CENPW: variants seen among roughly 807,000 people sequenced by gnomAD.
CENPW encodes the protein centromere protein W.
In CENPW, 3 loss-of-function variants were observed where a neutral mutation model predicts 11.1. That is an observed-to-expected ratio of 0.27 (90% CI 0.12 to 0.70). The LOEUF is 0.70. Ranked by LOEUF, CENPW falls within the 30% of genes least tolerant of loss-of-function variation. The pLI, the probability that CENPW is intolerant of heterozygous loss-of-function variation, is 0.77. For synonymous variants in CENPW, 38 were observed against 42.0 expected, an observed-to-expected ratio of 0.91 and a Z score of 0.37; for missense variants, 100 against 105.6, an observed-to-expected ratio of 0.95 and a Z score of 0.23.
the CENPW span, among the ~76,000 whole-genome samples, chr6:126,425,450 A>T: frequency 6.6e-6 from 1 of 152,146 alleles, no homozygotes; most frequent in East Asian, 1.9e-4. Context: ...TGACATAAAA[A>T]TCCTGTCTGA....
the CENPW span, among the ~76,000 whole-genome samples, chr6:126,428,558 C>A: frequency 6.6e-6 from 1 of 152,012 alleles, no homozygotes; most frequent in Non-Finnish European, 1.5e-5. Context: ...TGGGTTTAGG[C>A]GCAACACATT....
the CENPW span, among the ~76,000 whole-genome samples, chr6:126,371,435 A>G: frequency 1.3e-5 from 2 of 152,232 alleles, no homozygotes; most frequent in African/African-American, 4.8e-5. Context: ...CCTGATATGA[A>G]ACCCAGTTGA....
At chr6:126,371,088 C>T in the CENPW span, among the ~76,000 whole-genome samples, 1 of 152,134 alleles carries the variant, frequency 6.6e-6, no homozygotes, top group Admixed American at 6.5e-5. Flanking sequence ...ATTTCTTCCT[C>T]TTGTCTGATT....
chr6:126,340,570 A>G (rs1780284002), intron 1 of CENPW, 171 bp downstream of exon 1: 6 of 889,198 alleles, frequency 6.7e-6, no homozygotes, highest in Non-Finnish European at 1.0e-5. Context: ...ATGTCAGTTC[A>G]TATTCCTGGC....
At chr6:126,474,389 T>C in the CENPW span, among the ~76,000 whole-genome samples, 1 of 152,076 alleles carries the variant, frequency 6.6e-6, no homozygotes, top group Non-Finnish European at 1.5e-5. Context: ...GGGTCAGAAA[T>C]TTAGAGAGGG....
At chr6:126,443,661 A>C in the CENPW span, among the ~76,000 whole-genome samples, 1 of 151,188 alleles carries the variant, frequency 6.6e-6, no homozygotes. Flanking sequence ...ACTTCTTAAT[A>C]ATTGTGCTAT....
At chr6:126,435,462 A>G in the CENPW span, among the ~76,000 whole-genome samples, 1 of 151,826 alleles carries the variant, frequency 6.6e-6, no homozygotes, top group Non-Finnish European at 1.5e-5. Context: ...CTGGTGGTCT[A>G]CTAGACTTCA....
chr6:126,433,189 A>AT, the CENPW span, among the ~76,000 whole-genome samples: 1 of 152,132 alleles, frequency 6.6e-6, no homozygotes, highest in Non-Finnish European at 1.5e-5. Context: ...AGTTTTTCAT[A>AT]TTTTTTCTAT....
At chr6:126,365,251 A>G in the CENPW span, among the ~76,000 whole-genome samples, 2 of 152,336 alleles carry the variant, frequency 1.3e-5, no homozygotes, top group Admixed American at 6.5e-5. Context: ...AGGAATTTAC[A>G]TGAGTTGCAA....
the CENPW span, among the ~76,000 whole-genome samples, chr6:126,364,366 C>T: frequency 6.6e-6 from 1 of 152,212 alleles, no homozygotes; most frequent in African/African-American, 2.4e-5. Flanking sequence ...TCTTAAAGGC[C>T]TAGTATAGAG....
chr6:126,359,433 A>C, the CENPW span, among the ~76,000 whole-genome samples: 33 of 152,174 alleles, frequency 2.2e-4, no homozygotes, highest in African/African-American at 7.5e-4. Context: ...GATGTCTGTT[A>C]GGTCAAATCA....
chr6:126,385,210 G>C, the CENPW span, among the ~76,000 whole-genome samples: 1 of 152,074 alleles, frequency 6.6e-6, no homozygotes. Flanking sequence ...GTTCCTCAAA[G>C]AGCTAAAAAC....
the CENPW span, among the ~76,000 whole-genome samples, chr6:126,387,105 T>A: frequency 6.6e-6 from 1 of 151,968 alleles, no homozygotes; most frequent in Non-Finnish European, 1.5e-5. Context: ...GATTATAAAT[T>A]AACTAAGAGA....
At chr6:126,463,219 C>T in the CENPW span, among the ~76,000 whole-genome samples, 1 of 151,952 alleles carries the variant, frequency 6.6e-6, no homozygotes, top group Non-Finnish European at 1.5e-5. Flanking sequence ...AGACTAAAGC[C>T]CTGGATGTTT....
At chr6:126,385,839 T>C in the CENPW span, among the ~76,000 whole-genome samples, 2 of 152,094 alleles carry the variant, frequency 1.3e-5, no homozygotes, top group Admixed American at 6.6e-5. Context: ...GAACTATGAG[T>C]CAGCTAAACC....
the CENPW span, among the ~76,000 whole-genome samples, chr6:126,456,997 C>T: frequency 6.6e-6 from 1 of 151,454 alleles, no homozygotes; most frequent in African/African-American, 2.4e-5. Flanking sequence ...AACGTGATAC[C>T]ATCTCACACC....
the CENPW span, among the ~76,000 whole-genome samples, chr6:126,450,668 T>C: frequency 6.6e-6 from 1 of 151,060 alleles, no homozygotes. Context: ...GTAGCTATTT[T>C]TCCTGTAAAG....
chr6:126,378,315 T>C, the CENPW span, among the ~76,000 whole-genome samples: 1 of 152,010 alleles, frequency 6.6e-6, no homozygotes, highest in Non-Finnish European at 1.5e-5. Context: ...CACAAGATAA[T>C]CGATCACTTG....
chr6:126,379,377 C>A, the CENPW span, among the ~76,000 whole-genome samples: 2 of 151,994 alleles, frequency 1.3e-5, no homozygotes, highest in Non-Finnish European at 2.9e-5. Context: ...TGGAAAATGG[C>A]TAAATTTATT....
Sources: allele counts gnomAD v4.1 joint callset (sites outside exome capture counted in the v4.1 genomes callset), GRCh38; gene constraint gnomAD v4.1.1; transcripts MANE v1.5; gene names NCBI Gene and HGNC (gene_info 2026-07-23, HGNC 2026-07-21).